Variants in CSMD1 observed in about 807,000 individuals in gnomAD.
CSMD1 encodes CUB and Sushi multiple domains 1, also known as CUB and sushi domain-containing protein 1.
In CSMD1, 213 loss-of-function variants were observed where a neutral mutation model predicts 417.5. That is an observed-to-expected ratio of 0.51 (90% confidence interval 0.46 to 0.57). The LOEUF (loss-of-function observed/expected upper bound fraction) is 0.57, where lower values mean the gene tolerates loss of function less well. Ranked by LOEUF, CSMD1 falls within the 20% of genes least tolerant of loss-of-function variation. The probability of loss-of-function intolerance (pLI) is 0.00; values close to 1 mark genes in which losing one functional copy is unlikely to be tolerated. For synonymous variants in CSMD1, 2,862 were observed against 1,736.8 expected (o/e 1.65, Z -16.11); for missense variants, 6,923 against 4,529.7 (o/e 1.53, Z -15.17).
chr8:3,711,541 C>G (rs1354577626), intron 6 of CSMD1, among the ~76,000 whole-genome samples: 1 of 152,322 alleles, frequency 6.6e-6, no homozygotes, highest in East Asian at 1.9e-4. Context: ...AACCACGGCA[C>G]CTGGCGTCTT....
intron 25 of CSMD1, among the ~76,000 whole-genome samples, chr8:3,302,208 T>A: frequency 6.6e-6 from 1 of 152,114 alleles, no homozygotes; most frequent in East Asian, 1.9e-4. Context: ...TGAGGAGAGA[T>A]GTCAGGGAAG....
chr8:4,855,349 C>T (rs1383157828), intron 1 of CSMD1, among the ~76,000 whole-genome samples: 1 of 151,946 alleles, frequency 6.6e-6, no homozygotes, highest in Non-Finnish European at 1.5e-5. Flanking sequence ...CTCCAAAAAG[C>T]AGAGCGCCTC....
intron 2 of CSMD1, among the ~76,000 whole-genome samples, chr8:4,442,637 G>A (rs1261502555): frequency 1.3e-5 from 2 of 152,272 alleles, no homozygotes; most frequent in East Asian, 1.9e-4. Context: ...GATTGCTGGG[G>A]ATTCCAGAGT....
intron 3 of CSMD1, among the ~76,000 whole-genome samples, chr8:4,299,703 T>C (rs941227286): frequency 6.6e-6 from 1 of 152,180 alleles, no homozygotes; most frequent in African/African-American, 2.4e-5. Context: ...CGATCTTGGC[T>C]CACTGCAACC....
At chr8:4,335,114 T>C (rs1044411183) in intron 3 of CSMD1, among the ~76,000 whole-genome samples, 2 of 152,092 alleles carry the variant, frequency 1.3e-5, no homozygotes, top group Admixed American at 6.6e-5. Context: ...GTTGCCCAGA[T>C]TGATCTTCAA....
intron 7 of CSMD1, among the ~76,000 whole-genome samples, chr8:3,679,534 G>A (rs1045536504): frequency 3.3e-5 from 5 of 152,100 alleles, no homozygotes; most frequent in African/African-American, 9.7e-5. Flanking sequence ...GATTCATAAA[G>A]CAAGTCCTTA....
intron 5 of CSMD1, among the ~76,000 whole-genome samples, chr8:3,949,074 A>G (rs1416045989): frequency 6.6e-6 from 1 of 152,192 alleles, no homozygotes; most frequent in East Asian, 1.9e-4. Flanking sequence ...GCTATTTTTA[A>G]TTAATAAATA....
At chr8:4,086,898 C>G (rs1424483358) in intron 3 of CSMD1, among the ~76,000 whole-genome samples, 1 of 152,218 alleles carries the variant, frequency 6.6e-6, no homozygotes, top group Non-Finnish European at 1.5e-5. Flanking sequence ...ATGTTGGCAA[C>G]AATCAGGCAA....
chr8:3,831,728 G>C (rs1320520630), intron 5 of CSMD1, among the ~76,000 whole-genome samples: 1 of 152,030 alleles, frequency 6.6e-6, no homozygotes, highest in Non-Finnish European at 1.5e-5. Flanking sequence ...AAAAGAATAG[G>C]TTTCCAAATA....
At chr8:3,291,350 A>G (rs995052132) in intron 25 of CSMD1, among the ~76,000 whole-genome samples, 4 of 46,386 alleles carry the variant, frequency 8.6e-5, no homozygotes, top group Non-Finnish European at 1.6e-4. Context: ...AAAATAAGTT[A>G]GGGAGGATTC....
intron 3 of CSMD1, among the ~76,000 whole-genome samples, chr8:4,387,984 A>G (rs1447561332): frequency 6.6e-6 from 1 of 152,176 alleles, no homozygotes; most frequent in Admixed American, 6.6e-5. Flanking sequence ...AGAAGACACA[A>G]TCATGTTAAA....
At chr8:4,963,668 T>A (rs1028640975) in intron 1 of CSMD1, among the ~76,000 whole-genome samples, 3 of 152,232 alleles carry the variant, frequency 2.0e-5, no homozygotes, top group Non-Finnish European at 2.9e-5. Context: ...GAATTTGCGT[T>A]GAAATTCCTC....
At chr8:3,555,426 G>T (rs532089437) in intron 10 of CSMD1, among the ~76,000 whole-genome samples, 1 of 152,122 alleles carries the variant, frequency 6.6e-6, no homozygotes. Context: ...TCTTCCTGAT[G>T]AGGGCTGGTG....
chr8:4,214,401 G>T (rs552787890), intron 3 of CSMD1, among the ~76,000 whole-genome samples: 1 of 152,140 alleles, frequency 6.6e-6, no homozygotes, highest in Non-Finnish European at 1.5e-5. Flanking sequence ...GGATTCAATC[G>T]ATTCAAATGC....
In CSMD1 at chr8:4,625,589, G is replaced by C. The variant is rs140960778; in HGVS notation, c.302+11753C>G. ...TCCCCTGGCTCTCCTGTATACACGA[G>C]CAAATACAAAGTCACAACATATCCC... On this transcript the variant is annotated intron_variant, in intron 2 of 69. Coordinates refer to ENST00000635120, the MANE Select transcript of CSMD1 (RefSeq NM_033225.6). Among the ~76,000 whole-genome samples the C allele has an allele frequency of 2.0e-3, 303 of 152,024 alleles. 1 individual carries two copies. The highest frequency in any genetic ancestry group is 6.9e-3 in the African/African-American group (286 of 41,462).
At chr8:3,420,864 T>A (rs1813444379) in intron 12 of CSMD1, among the ~76,000 whole-genome samples, 1 of 152,150 alleles carries the variant, frequency 6.6e-6, no homozygotes, top group Admixed American at 6.5e-5. Flanking sequence ...TTAAAAATAA[T>A]AAGTAAAATG....
chr8:3,653,135 A>G (rs896821758), intron 7 of CSMD1, among the ~76,000 whole-genome samples: 1 of 152,052 alleles, frequency 6.6e-6, no homozygotes, highest in Non-Finnish European at 1.5e-5. Flanking sequence ...AAAGCCCTAT[A>G]AATTCAAATT....
rs77795774 is a variant in CSMD1, at chr8:4,054,000, G to A, written c.416-21901C>T. Among the ~76,000 whole-genome samples the A allele has an allele frequency of 8.0e-3, 1,218 of 152,266 alleles. 15 individuals are homozygous for A. Among genetic ancestry groups the A allele is most frequent in the African/African-American group, 0.021 (866 of 41,548 alleles). The stretch of plus-strand genomic sequence containing the variant: ...TATAAGGAAGTTAAGAACCTGAGAT[G>A]TAATTGTTTTCCCCAACATGGCCAC... On this transcript the variant is annotated intron_variant, in intron 3 of 69. Coordinates refer to ENST00000635120, the MANE Select transcript of CSMD1 (RefSeq NM_033225.6).
At chr8:3,709,621 T>C (rs9285038) in intron 6 of CSMD1, among the ~76,000 whole-genome samples, 132,966 of 148,804 alleles carry the variant, frequency 0.89, 59,849 homozygotes, top group East Asian at 0.99. Flanking sequence ...AAAAGGCTGA[T>C]CTGCCCCAGT....
Sources: gnomAD v4.1 joint callset for allele counts (sites outside exome capture counted in the v4.1 genomes callset) on GRCh38, gnomAD v4.1.1 for gene constraint, MANE v1.5 for transcripts, NCBI Gene and HGNC (gene_info 2026-07-23, HGNC 2026-07-21) for gene names.